Variants in TMEM108 observed in about 807,000 individuals in gnomAD.
TMEM108 encodes the protein transmembrane protein 108.
A neutral mutation model predicts 35.1 loss-of-function variants in TMEM108; 12 were observed. The observed-to-expected ratio is 0.34, with a 90% CI of 0.22 to 0.55. The LOEUF (loss-of-function observed/expected upper bound fraction) is 0.55. TMEM108 is among the 20% of genes least tolerant of loss of function. The probability of loss-of-function intolerance (pLI) is 0.89; values close to 1 mark genes in which losing one functional copy is unlikely to be tolerated. For missense variants in TMEM108, 680 were observed against 753.3 expected, an observed-to-expected ratio of 0.90 and a Z score of 1.14; for synonymous variants, 287 against 308.6, an observed-to-expected ratio of 0.93 and a Z score of 0.73.
At chr3:133,352,700 G>A (rs542022528) in intron 3 of TMEM108, among the ~76,000 whole-genome samples, 2 of 152,254 alleles carry the variant, frequency 1.3e-5, no homozygotes, top group South Asian at 4.1e-4. Context: ...ACGTGCCTAG[G>A]GCAAGGTATA....
chr3:133,044,817 C>T (rs1297383003), intron 1 of TMEM108, among the ~76,000 whole-genome samples: 5 of 152,094 alleles, frequency 3.3e-5, no homozygotes, highest in Non-Finnish European at 7.3e-5. Context: ...ATTAGCTGGG[C>T]CTGGTGGCAC....
intron 4 of TMEM108, among the ~76,000 whole-genome samples, chr3:133,381,539 C>G (rs1036446582): frequency 2.0e-5 from 3 of 152,188 alleles, no homozygotes; most frequent in African/African-American, 7.2e-5. Context: ...AGCCCAGTGC[C>G]CTTGTCATGA....
At chr3:133,178,920 G>A (rs897370946) in intron 2 of TMEM108, among the ~76,000 whole-genome samples, 46 of 152,118 alleles carry the variant, frequency 3.0e-4, no homozygotes, top group Admixed American at 1.6e-3. Flanking sequence ...TCTGACAAAG[G>A]GCTAATATCC....
At chr3:133,264,322 C>T (rs1018571470) in intron 3 of TMEM108, among the ~76,000 whole-genome samples, 1 of 152,010 alleles carries the variant, frequency 6.6e-6, no homozygotes, top group Admixed American at 6.6e-5. Flanking sequence ...AAAATTCACC[C>T]GAAGAAAGCT....
At chr3:133,210,629 T>C (rs910911281) in intron 2 of TMEM108, among the ~76,000 whole-genome samples, 3 of 152,214 alleles carry the variant, frequency 2.0e-5, no homozygotes, top group Non-Finnish European at 4.4e-5. Flanking sequence ...CATAATGATA[T>C]AAAGCTATTG....
intron 2 of TMEM108, among the ~76,000 whole-genome samples, chr3:133,220,997 T>A (rs1302405185): frequency 6.6e-6 from 1 of 152,036 alleles, no homozygotes; most frequent in Non-Finnish European, 1.5e-5. Flanking sequence ...ACATAAATAG[T>A]GTAAAGTCTA....
chr3:133,109,053 G>C (rs1253030029), intron 2 of TMEM108, among the ~76,000 whole-genome samples: 1 of 152,086 alleles, frequency 6.6e-6, no homozygotes, highest in Non-Finnish European at 1.5e-5. Flanking sequence ...GGCCTTGCAG[G>C]TGACCTCAGA....
intron 2 of TMEM108, among the ~76,000 whole-genome samples, chr3:133,071,104 T>C (rs540126207): frequency 6.6e-6 from 1 of 152,174 alleles, no homozygotes; most frequent in Non-Finnish European, 1.5e-5. Flanking sequence ...GGAAATAATT[T>C]CAGGATTTTA....
At chr3:133,098,892 GCA>G (rs1944050945) in intron 2 of TMEM108, among the ~76,000 whole-genome samples, 1 of 152,158 alleles carries the variant, frequency 6.6e-6, no homozygotes, top group Non-Finnish European at 1.5e-5. Context: ...GCTTTTCCAG[GCA>G]CACAGTGCAA....
At chr3:133,186,892 ATG>A (rs750990248) in intron 2 of TMEM108, among the ~76,000 whole-genome samples, 4 of 151,838 alleles carry the variant, frequency 2.6e-5, no homozygotes, top group African/African-American at 4.8e-5. Context: ...GTGTGTGTGT[ATG>A]TGTGTGTGTG....
chr3:133,224,598 A>G (rs1030838479), intron 2 of TMEM108, among the ~76,000 whole-genome samples: 1 of 152,128 alleles, frequency 6.6e-6, no homozygotes, highest in African/African-American at 2.4e-5. Flanking sequence ...CGATGGTTTT[A>G]TAAGGGGAAA....
At chr3:133,303,223 G>A (rs16840213) in intron 3 of TMEM108, 1 of 151,898 alleles carries the variant, frequency 6.6e-6, no homozygotes, top group Non-Finnish European at 1.5e-5. Context: ...TGAAGCACTT[G>A]TGATGTTTTT....
intron 2 of TMEM108, among the ~76,000 whole-genome samples, chr3:133,099,554 G>A (rs115535547): frequency 0.032 from 4,887 of 152,162 alleles, 143 homozygotes; most frequent in South Asian, 0.064. Flanking sequence ...TTTATGCTCC[G>A]TTTCCCTTTT....
chr3:133,312,119 G>A (rs928399205), intron 3 of TMEM108, among the ~76,000 whole-genome samples: 3 of 152,200 alleles, frequency 2.0e-5, no homozygotes, highest in Non-Finnish European at 4.4e-5. Context: ...TCCCAGAGGG[G>A]TGCCCGCCTG....
chr3:133,378,136 G>A (rs189799562), intron 3 of TMEM108, among the ~76,000 whole-genome samples: 50 of 152,276 alleles, frequency 3.3e-4, no homozygotes, highest in African/African-American at 1.2e-3. Flanking sequence ...GATTGTTTAG[G>A]GCAAATTTTT....
At chr3:133,300,203 C>T (rs1245825850) in intron 3 of TMEM108, among the ~76,000 whole-genome samples, 1 of 151,966 alleles carries the variant, frequency 6.6e-6, no homozygotes, top group Middle Eastern at 3.2e-3. Context: ...GTGGTCCTGA[C>T]CACATTTAAG....
At chr3:133,358,857 A>G (rs1237494090) in intron 3 of TMEM108, among the ~76,000 whole-genome samples, 1 of 152,058 alleles carries the variant, frequency 6.6e-6, no homozygotes, top group East Asian at 1.9e-4. Context: ...GGAGAAGGAT[A>G]TGGGAGCATG....
chr3:133,107,455 G>GGTGTGTGTGTGTGT (rs59305794), intron 2 of TMEM108, among the ~76,000 whole-genome samples: 51 of 143,604 alleles, frequency 3.6e-4, no homozygotes, highest in African/African-American at 5.2e-4. Context: ...AAGTGTATGT[G>GGTGTGTGTGTGTGT]GTGTGTGTGT....
In TMEM108 at chr3:133,061,490, G is replaced by A. The variant is rs140901504; in HGVS notation, c.-47+15470G>A. Among the ~76,000 whole-genome samples, 1,422 of 152,172 alleles carry A rather than the reference G, an allele frequency of 9.3e-3. 30 individuals carry two copies. Among genetic ancestry groups the A allele is most frequent in the African/African-American group, 0.032 (1,346 of 41,500 alleles). On this transcript the variant is annotated intron_variant, in intron 2 of 5. Coordinates refer to ENST00000321871, the MANE Select transcript of TMEM108 (RefSeq NM_023943.4). The stretch of plus-strand genomic sequence containing the variant: ...GGCCTCCCAAAGTGCTGGGATTACA[G>A]GCATGAGCCATCGTGCCCAGCCGGG...
Sources: gnomAD v4.1 joint callset for allele counts (sites outside exome capture counted in the v4.1 genomes callset) on GRCh38, gnomAD v4.1.1 for gene constraint, MANE v1.5 for transcripts, NCBI Gene and HGNC (gene_info 2026-07-23, HGNC 2026-07-21) for gene names.